The following FRMD4B variants were observed in gnomAD, a reference collection of about 807,000 sequenced individuals.
FRMD4B encodes the protein FERM domain containing 4B.
In FRMD4B, 74 loss-of-function variants were observed where a neutral mutation model predicts 141.5. The ratio of observed to expected loss-of-function variants is 0.52; its 90% CI spans 0.43 to 0.63. The LOEUF (loss-of-function observed/expected upper bound fraction) is 0.63, where lower values mean the gene tolerates loss of function less well. Ranked by LOEUF, FRMD4B falls within the 30% of genes least tolerant of loss-of-function variation. The pLI is 0.00. For synonymous variants in FRMD4B, 506 were observed against 467.9 expected, an observed-to-expected ratio of 1.08 and a Z score of -1.05; for missense variants, 1,366 against 1,253.4, an observed-to-expected ratio of 1.09 and a Z score of -1.36.
At chr3:69,206,349 C>G (rs1462027476) in intron 11 of FRMD4B, among the ~76,000 whole-genome samples, 1 of 151,832 alleles carries the variant, frequency 6.6e-6, no homozygotes, top group East Asian at 1.9e-4. Flanking sequence ...CACTCCATCT[C>G]AAAAAAACAA....
chr3:69,330,340 C>CTCTTTTTTTTT (rs1225031283), intron 1 of FRMD4B, among the ~76,000 whole-genome samples: 2 of 42,928 alleles, frequency 4.7e-5, no homozygotes, highest in African/African-American at 2.4e-4. Context: ...ATTCTTTTGC[C>CTCTTTTTTTTT]TTTTTTTTTT....
chr3:69,190,929 T>G (rs1484150786), intron 17 of FRMD4B, among the ~76,000 whole-genome samples: 2 of 152,180 alleles, frequency 1.3e-5, no homozygotes, highest in Non-Finnish European at 2.9e-5. Flanking sequence ...AATCCCACAA[T>G]GGGGATAACA....
chr3:69,370,820 G>A lies in FRMD4B; in HGVS notation c.162+15008C>T, dbSNP rs183234405. ...GGAGATCTGAAATGGCCTCCTGACC[G>A]CTCTTATGCCTTTTAAGTCATTCTC... On this transcript the variant is annotated intron_variant, in intron 1 of 22. Transcript: ENST00000398540. Among the ~76,000 whole-genome samples the A allele has an allele frequency of 3.9e-5, 6 of 152,296 alleles. No homozygotes were observed. In the East Asian group the frequency reaches 7.7e-4, roughly 20 times the overall value.
At chr3:69,231,551 G>A (rs993620007) in intron 7 of FRMD4B, among the ~76,000 whole-genome samples, 3 of 152,252 alleles carry the variant, frequency 2.0e-5, no homozygotes, top group African/African-American at 4.8e-5. Flanking sequence ...ACCTCCCAAA[G>A]TGCTGGGATT....
At chr3:69,375,264 C>CCCATCCATCCATCCAT (rs1217452208) in intron 1 of FRMD4B, among the ~76,000 whole-genome samples, 12 of 10,452 alleles carry the variant, frequency 1.1e-3, no homozygotes, top group Non-Finnish European at 1.8e-3. Context: ...TCCACCCCAT[C>CCCATCCATCCATCCAT]CCATCCATCC....
At chr3:69,233,944 G>A (rs529428823) in intron 7 of FRMD4B, among the ~76,000 whole-genome samples, 2 of 152,190 alleles carry the variant, frequency 1.3e-5, no homozygotes, top group East Asian at 3.9e-4. Flanking sequence ...AGTGATCATA[G>A]CAGCTACAAA....
intron 2 of FRMD4B, among the ~76,000 whole-genome samples, chr3:69,415,017 C>T (rs549268311): frequency 7.2e-5 from 11 of 151,964 alleles, no homozygotes; most frequent in East Asian, 5.8e-4. Flanking sequence ...AGGTGTGCAC[C>T]GCCACACCTG....
chr3:69,479,695 T>C (rs973265498), intron 1 of FRMD4B, among the ~76,000 whole-genome samples: 1 of 152,198 alleles, frequency 6.6e-6, no homozygotes, highest in African/African-American at 2.4e-5. Flanking sequence ...TTGGAGTTGC[T>C]CTTCTCAAAG....
chr3:69,410,732 T>A (rs1455199339), intron 2 of FRMD4B, among the ~76,000 whole-genome samples: 52 of 9,352 alleles, frequency 5.6e-3, no homozygotes, highest in African/African-American at 0.031. Context: ...AATAAATATA[T>A]ATATATATAT....
chr3:69,194,699 A>G (rs563778605), intron 16 of FRMD4B, among the ~76,000 whole-genome samples: 2 of 152,222 alleles, frequency 1.3e-5, no homozygotes, highest in South Asian at 2.1e-4. Flanking sequence ...TAGAGAGGCT[A>G]AACTATTTGA....
intron 18 of FRMD4B, among the ~76,000 whole-genome samples, chr3:69,188,688 C>A (rs1310700877): frequency 7.0e-6 from 1 of 143,716 alleles, no homozygotes; most frequent in African/African-American, 2.6e-5. Context: ...ACCCGGGAAG[C>A]GGAGCTTGCA....
chr3:69,175,929 C>T (rs544362574), intron 22 of FRMD4B, among the ~76,000 whole-genome samples: 130 of 151,966 alleles, frequency 8.6e-4, no homozygotes, highest in Non-Finnish European at 1.4e-3. Flanking sequence ...TACAAGCGCC[C>T]GCCACCATGC....
intron 1 of FRMD4B, among the ~76,000 whole-genome samples, chr3:69,454,511 C>T (rs375094951): frequency 1.1e-4 from 16 of 152,162 alleles, no homozygotes; most frequent in Non-Finnish European, 1.5e-4. Context: ...GGGGTGGGCT[C>T]GGCAGGCCCT....
At chr3:69,447,593 G>A (rs1450573255) in intron 1 of FRMD4B, among the ~76,000 whole-genome samples, 1 of 152,124 alleles carries the variant, frequency 6.6e-6, no homozygotes, top group Non-Finnish European at 1.5e-5. Context: ...GGGAAATTTT[G>A]TTACAAGTAT....
intron 19 of FRMD4B, among the ~76,000 whole-genome samples, chr3:69,184,778 C>T (rs2092746948): frequency 1.3e-5 from 2 of 152,246 alleles, no homozygotes; most frequent in African/African-American, 2.4e-5. Context: ...TGTTCCGGGT[C>T]TGTTCTGACC....
rs1339078876 is a variant in FRMD4B at position 69,329,370 on chromosome 3, GAC to G, written c.163-15855_163-15854del. ...CTTTATTTTTATTTTTATGTTTTGA[GAC>G]AGAGTCTCATTCCGTCACCCAGGCT... On this transcript the variant is annotated intron_variant, in intron 1 of 22. Coordinates refer to ENST00000398540, the MANE Select transcript of FRMD4B (RefSeq NM_015123.3). Among the ~76,000 whole-genome samples the G allele has an allele frequency of 2.6e-5, 4 of 151,998 alleles. No homozygotes were observed. In the East Asian group the frequency reaches 7.7e-4, roughly 29 times the overall value.
At chr3:69,439,273 C>T (rs1264476108) in intron 1 of FRMD4B, among the ~76,000 whole-genome samples, 1 of 151,984 alleles carries the variant, frequency 6.6e-6, no homozygotes, top group Non-Finnish European at 1.5e-5. Flanking sequence ...GGGTAGTGTC[C>T]GATTTTTGTT....
chr3:69,280,925 T>C (rs899267778), intron 5 of FRMD4B, among the ~76,000 whole-genome samples: 11 of 151,270 alleles, frequency 7.3e-5, no homozygotes, highest in South Asian at 2.1e-4. Context: ...GGCTGAAATT[T>C]TCTTCTTCTT....
chr3:69,362,609 G>A (rs533458177), intron 1 of FRMD4B, among the ~76,000 whole-genome samples: 2 of 152,076 alleles, frequency 1.3e-5, no homozygotes, highest in African/African-American at 4.8e-5. Context: ...ACTGGAAGGC[G>A]GAGGTTGCAG....
Sources: gnomAD v4.1 joint callset for allele counts (sites outside exome capture counted in the v4.1 genomes callset) on GRCh38, gnomAD v4.1.1 for gene constraint, MANE v1.5 for transcripts, NCBI Gene and HGNC (gene_info 2026-07-23, HGNC 2026-07-21) for gene names.